GNAS-AS1: variants seen among roughly 807,000 people sequenced by gnomAD.
GNAS-AS1 encodes GNAS antisense RNA 1, also known as GNAS antisense RNA 1 (non-protein coding).
chr20:58,839,355 G>T (rs2085644049), intron 4 of GNAS-AS1: 1 of 399,354 alleles, frequency 2.5e-6, no homozygotes, highest in Admixed American at 4.4e-5. Context: ...TAATACTCGT[G>T]TATAGACAGA....
exon 5 of GNAS-AS1, chr20:58,819,028 C>G (rs1362222604): frequency 2.5e-6 from 1 of 398,514 alleles, no homozygotes; most frequent in Non-Finnish European, 4.4e-6. Flanking sequence ...ACCTGCAGAG[C>G]AGCCAGTTCC....
At chr20:58,838,812 G>A (rs1241266280) in intron 4 of GNAS-AS1, 1 of 391,878 alleles carries the variant, frequency 2.6e-6, no homozygotes, top group African/African-American at 2.1e-5. Context: ...AGCTACTCAG[G>A]AGGCTTAGGT....
At chr20:58,822,163 G>A (rs1001550326) in intron 4 of GNAS-AS1, among the ~76,000 whole-genome samples, 14 of 152,212 alleles carry the variant, frequency 9.2e-5, no homozygotes, top group African/African-American at 3.4e-4. Flanking sequence ...CATCAGCCCA[G>A]GTCTTCCAGA....
At chr20:58,823,383 C>A (rs1039661792) in intron 4 of GNAS-AS1, among the ~76,000 whole-genome samples, 17 of 152,168 alleles carry the variant, frequency 1.1e-4, no homozygotes, top group African/African-American at 4.1e-4. Flanking sequence ...GTCATCAGTG[C>A]GAGCCAGTTC....
chr20:58,831,555 G>A (rs943710686), intron 4 of GNAS-AS1, among the ~76,000 whole-genome samples: 8 of 151,994 alleles, frequency 5.3e-5, no homozygotes, highest in African/African-American at 9.7e-5. Flanking sequence ...GGCATGAACC[G>A]GGGAGGTGGA....
rs1423771273 is a variant in GNAS-AS1, at chr20:58,840,089, C to G, written n.819+1848G>C. Reference sequence around the variant, plus strand: ...AGAGCCAGAGGGCAGGCCGGCTTCTCGGTGTGTGCCTAAGAGGATGGATCG... The same window carrying G: ...AGAGCCAGAGGGCAGGCCGGCTTCTGGGTGTGTGCCTAAGAGGATGGATCG... On this transcript the variant is annotated intron_variant and non_coding_transcript_variant, in intron 4 of 4. Coordinates refer to ENST00000424094, the Ensembl canonical transcript of GNAS-AS1. The surrounding 1 kb of genome is among the most constrained non-coding windows in gnomAD (Gnocchi z 6.0). 14 of 1,609,376 alleles carry G rather than the reference C, an allele frequency of 8.7e-6. No homozygotes were observed. The highest frequency in any genetic ancestry group is 1.2e-5 in the Non-Finnish European group (14 of 1,179,936).
At chr20:58,823,917 C>A in intron 4 of GNAS-AS1, 1 of 398,062 alleles carries the variant, frequency 2.5e-6, no homozygotes, top group South Asian at 1.3e-4. Context: ...CTTCTTCTCT[C>A]ATCATCGATA....
At chr20:58,822,927 T>C (rs1227666324) in intron 4 of GNAS-AS1, among the ~76,000 whole-genome samples, 3 of 152,304 alleles carry the variant, frequency 2.0e-5, no homozygotes, top group South Asian at 4.1e-4. Context: ...CCTCTGGCCC[T>C]GTCCTTGGTG....
In GNAS-AS1 at chr20:58,819,299, G is replaced by A. The variant is rs2085469353; in HGVS notation, n.820-44C>T. On this transcript the variant is annotated intron_variant and non_coding_transcript_variant, in intron 4 of 4. Coordinates refer to ENST00000424094, the Ensembl canonical transcript of GNAS-AS1. ...TGGAATAAAAACAAAGAGAAAAACA[G>A]GGCAAAGGATTAACAACAGAAATGA... 4 of 398,262 alleles carry A rather than the reference G, an allele frequency of 1.0e-5. No homozygotes were observed. The Admixed American group carries it at 1.8e-4, about 18-fold the overall frequency. 24.7% of individuals were successfully genotyped at this position (398,262 alleles called of 1,614,324 possible).
chr20:58,826,014 CT>C, intron 4 of GNAS-AS1: 2 of 398,616 alleles, frequency 5.0e-6, no homozygotes, highest in East Asian at 7.1e-5. Context: ...TGAGCTTGCT[CT>C]TTTGCTTACC....
intron 2 of GNAS-AS1, among the ~76,000 whole-genome samples, chr20:58,847,718 T>G (rs1283945464): frequency 6.6e-6 from 1 of 152,092 alleles, no homozygotes; most frequent in Non-Finnish European, 1.5e-5. Flanking sequence ...AAAAATACTG[T>G]TTTTCGTGGT....
chr20:58,821,489 A>G (rs954203145), intron 4 of GNAS-AS1, among the ~76,000 whole-genome samples: 1 of 152,222 alleles, frequency 6.6e-6, no homozygotes, highest in Non-Finnish European at 1.5e-5. Context: ...TGCGTACCTC[A>G]GTTTTCCCAT....
At chr20:58,827,123 T>G (rs1600644496) in intron 4 of GNAS-AS1, among the ~76,000 whole-genome samples, 1 of 151,982 alleles carries the variant, frequency 6.6e-6, no homozygotes, top group Non-Finnish European at 1.5e-5. Flanking sequence ...TTTAGTTAGG[T>G]TTTCCCTAGC....
In GNAS-AS1 at chr20:58,830,329, ACCACCACCATCACCACC is replaced by A. The variant is rs1218474004; in HGVS notation, n.820-11091_820-11075del. 4.4e-5 allele frequency among the ~76,000 whole-genome samples: 6 copies of A among 136,598 alleles called. 1 individual carries two copies. The highest frequency in any genetic ancestry group is 2.2e-4 in the Admixed American group (3 of 13,628). The allele number at this position is 136,598 out of a possible 152,430, so 89.6% of individuals were successfully genotyped here. A position where few individuals can be genotyped will look rare whatever the true frequency, so the allele number is the denominator to read the frequency against. On this transcript the variant is annotated intron_variant and non_coding_transcript_variant, in intron 4 of 4. Transcript: ENST00000424094. ...CCACCACCACCACACCATCATCATCACCACCACCATCACCACCACACCACCATCACCACCACCACAAC... is the reference window on the plus strand; with the variant it reads ...CCACCACCACCACACCATCATCATCAACACCACCATCACCACCACCACAAC...
intron 4 of GNAS-AS1, chr20:58,839,507 C>T: frequency 2.5e-6 from 1 of 403,728 alleles, no homozygotes; most frequent in Non-Finnish European, 4.4e-6. Flanking sequence ...AAGTACTGGA[C>T]CTGGGGCTAG....
At position 58,841,361 on chromosome 20, in the gene GNAS-AS1, C is replaced by T. The variant is rs2085718167; in HGVS notation, n.819+576G>A. On this transcript the variant is annotated intron_variant and non_coding_transcript_variant, in intron 4 of 4. Transcript: ENST00000424094. This position sits in a 1 kb window ranked among gnomAD's most constrained non-coding sequence, Gnocchi z 5.0. ...TGTGAGAGCAGCCGCGCTGTAGAGA[C>T]ACCGTTGAAATGTGCGGAAAGTAAT... 9.6e-7 allele frequency: 1 copy of T among 1,039,010 alleles called. No homozygotes were observed. Among genetic ancestry groups the T allele is most frequent in the Non-Finnish European group, 1.2e-6 (1 of 863,052 alleles). 64.4% of individuals were successfully genotyped at this position (1,039,010 alleles called of 1,614,324 possible).
At chr20:58,850,901 CT>C (rs992945430) in exon 1 of GNAS-AS1, 16 of 398,824 alleles carry the variant, frequency 4.0e-5, no homozygotes, top group African/African-American at 6.2e-5. Context: ...GCGGCGCCCC[CT>C]ATTGGACCTC....
At chr20:58,843,914 G>T (rs892270491) in intron 2 of GNAS-AS1, 1 of 152,024 alleles carries the variant, frequency 6.6e-6, no homozygotes, top group Non-Finnish European at 1.5e-5. Context: ...CAGAATTCAA[G>T]AATTAGAAAT....
At chr20:58,822,477 A>C (rs2085493224) in intron 4 of GNAS-AS1, among the ~76,000 whole-genome samples, 1 of 152,136 alleles carries the variant, frequency 6.6e-6, no homozygotes, top group South Asian at 2.1e-4. Flanking sequence ...AGACCAGGAG[A>C]AGTCAAATGG....
Sources: gnomAD v4.1 joint callset for allele counts (sites outside exome capture counted in the v4.1 genomes callset) on GRCh38, gnomAD v4.1.1 for gene constraint, Gnocchi (gnomAD v3.1) non-coding constraint, MANE v1.5 for transcripts, NCBI Gene and HGNC (gene_info 2026-07-23, HGNC 2026-07-21) for gene names.